Variants in CHRM2 observed in about 807,000 individuals in gnomAD.
CHRM2 encodes muscarinic acetylcholine receptor M2.
CHRM2 carries 8 observed loss-of-function variants against 25.0 expected under a neutral mutation model. The observed-to-expected ratio is 0.32, with a 90% CI of 0.19 to 0.58. The LOEUF (loss-of-function observed/expected upper bound fraction) is 0.58. Among genes scored for constraint, CHRM2 ranks in the 20% least tolerant of loss-of-function variants. CHRM2 has a pLI of 0.88. For synonymous variants in CHRM2, 202 were observed against 205.7 expected (o/e 0.98, Z 0.15); for missense variants, 440 against 567.1 (o/e 0.78, Z 2.28).
At chr7:136,917,684 C>T (rs1404998524) in intron 2 of CHRM2, among the ~76,000 whole-genome samples, 1 of 152,018 alleles carries the variant, frequency 6.6e-6, no homozygotes, top group African/African-American at 2.4e-5. Context: ...TCAATATCAC[C>T]ATCTCCCCAG....
intron 3 of CHRM2, among the ~76,000 whole-genome samples, chr7:137,012,982 A>G (rs1002428719): frequency 2.0e-5 from 3 of 151,970 alleles, no homozygotes; most frequent in African/African-American, 7.2e-5. Context: ...TTGCATCTTT[A>G]AACTGTGGGG....
chr7:136,997,243 T>C (rs1803667091), intron 3 of CHRM2, among the ~76,000 whole-genome samples: 1 of 152,196 alleles, frequency 6.6e-6, no homozygotes, highest in Non-Finnish European at 1.5e-5. Flanking sequence ...TGTAGGAAGA[T>C]AAACAAGATT....
chr7:136,907,643 C>A (rs143822159), intron 2 of CHRM2, among the ~76,000 whole-genome samples: 44 of 152,018 alleles, frequency 2.9e-4, no homozygotes, highest in African/African-American at 1.1e-3. Context: ...ATGTAATATG[C>A]TTCTGTTTTG....
At chr7:136,915,023 T>C (rs1798030090) in intron 2 of CHRM2, among the ~76,000 whole-genome samples, 1 of 151,888 alleles carries the variant, frequency 6.6e-6, no homozygotes, top group Non-Finnish European at 1.5e-5. Flanking sequence ...GTCAGCCCTA[T>C]ATGAAGAGTA....
chr7:136,898,466 G>A (rs867512040), intron 2 of CHRM2, among the ~76,000 whole-genome samples: 1 of 151,866 alleles, frequency 6.6e-6, no homozygotes, highest in South Asian at 2.1e-4. Context: ...CTCTAAGACT[G>A]TGAATTGACT....
At chr7:136,979,258 T>C (rs1002783069) in intron 2 of CHRM2, among the ~76,000 whole-genome samples, 2 of 152,218 alleles carry the variant, frequency 1.3e-5, no homozygotes, top group Admixed American at 1.3e-4. Flanking sequence ...TTTTGAAAAG[T>C]GTCTGTTGAT....
chr7:136,962,047 G>T (rs906007499), intron 2 of CHRM2, among the ~76,000 whole-genome samples: 16 of 152,166 alleles, frequency 1.1e-4, no homozygotes, highest in Non-Finnish European at 2.4e-4. Flanking sequence ...GGAACGACTG[G>T]AGGGCCTCAG....
chr7:136,870,567 G>A (rs1170474916), intron 2 of CHRM2: 1 of 152,490 alleles, frequency 6.6e-6, no homozygotes, highest in African/African-American at 2.4e-5. Flanking sequence ...ATACAGAATT[G>A]TCCCAGGCTG....
intron 2 of CHRM2, among the ~76,000 whole-genome samples, chr7:136,969,845 G>A (rs1381392247): frequency 6.6e-6 from 1 of 152,108 alleles, no homozygotes; most frequent in Non-Finnish European, 1.5e-5. Flanking sequence ...TTAGTCAGCT[G>A]GGACTGCCAT....
chr7:136,878,694 C>T (rs1393363592), intron 2 of CHRM2, among the ~76,000 whole-genome samples: 1 of 151,832 alleles, frequency 6.6e-6, no homozygotes, highest in Admixed American at 6.6e-5. Context: ...TCATGCCCAC[C>T]CGATGTGGTA....
At chr7:136,918,520 G>A (rs906010966) in intron 2 of CHRM2, among the ~76,000 whole-genome samples, 15 of 152,078 alleles carry the variant, frequency 9.9e-5, no homozygotes, top group Non-Finnish European at 1.8e-4. Context: ...TTTCATGCTC[G>A]TAAAGTGGCT....
chr7:136,924,210 T>A (rs75958311), intron 2 of CHRM2, among the ~76,000 whole-genome samples: 1 of 152,034 alleles, frequency 6.6e-6, no homozygotes, highest in Non-Finnish European at 1.5e-5. Context: ...TTCAGTTGTA[T>A]GTATTTTTTT....
intron 2 of CHRM2, among the ~76,000 whole-genome samples, chr7:136,882,930 T>C (rs1796321273): frequency 1.3e-5 from 2 of 152,156 alleles, no homozygotes; most frequent in Non-Finnish European, 2.9e-5. Flanking sequence ...TAGGGATGGA[T>C]TTAGTACAGT....
intron 3 of CHRM2, among the ~76,000 whole-genome samples, chr7:136,995,990 A>T (rs1006119847): frequency 6.6e-6 from 1 of 151,880 alleles, no homozygotes; most frequent in African/African-American, 2.4e-5. Flanking sequence ...AAGCAATGGA[A>T]TAGAATGGAA....
Position 137,015,851 on chromosome 7 carries a change from C to T in CHRM2, c.986C>T (p.Thr329Ile), listed in dbSNP as rs143216855. The change falls in exon 4 of 4, where the codon ACC becomes ATC. Residue 329 changes from threonine to isoleucine, a missense_variant. This residue lies in a region of CHRM2 where 261 missense variants were observed against 261.8 expected (regional missense o/e 1.00). Coordinates refer to ENST00000680005, the MANE Select transcript of CHRM2 (RefSeq NM_001006630.2). The surrounding 1 kb of genome is among the most constrained non-coding windows in gnomAD (Gnocchi z 5.1). ...AAGCAAACATGCATCAGAATTGGCA[C>T]CAAGACCCCAAAAAGTGACTCATGT... ...NSKQTCIRIG[T>I]KTPKSDSCTP... The T allele has an allele frequency of 8.7e-6, 14 of 1,612,984 alleles. No homozygotes were observed. The highest frequency in any genetic ancestry group is 1.1e-5 in the Non-Finnish European group (13 of 1,179,348).
At chr7:137,007,369 T>C (rs1220129209) in intron 3 of CHRM2, among the ~76,000 whole-genome samples, 3 of 152,232 alleles carry the variant, frequency 2.0e-5, no homozygotes, top group Admixed American at 6.5e-5. Context: ...CTTGAGGGCA[T>C]GTGTGGATCT....
chr7:136,996,895 ATGACTT>A (rs1803640789), intron 3 of CHRM2, among the ~76,000 whole-genome samples: 1 of 152,190 alleles, frequency 6.6e-6, no homozygotes, highest in South Asian at 2.1e-4. Flanking sequence ...TCAGTATTTT[ATGACTT>A]TGAGCCAAGA....
chr7:136,918,105 T>C (rs1041208795), intron 2 of CHRM2, among the ~76,000 whole-genome samples: 6 of 152,100 alleles, frequency 3.9e-5, no homozygotes, highest in African/African-American at 1.4e-4. Context: ...AGGACCACCA[T>C]GTCCATGTGG....
intron 2 of CHRM2, among the ~76,000 whole-genome samples, chr7:136,916,061 A>T (rs1380420993): frequency 6.6e-6 from 1 of 151,824 alleles, no homozygotes; most frequent in Admixed American, 6.6e-5. Context: ...TGCAGGCCCC[A>T]TTCACAGGAA....
Sources: allele counts gnomAD v4.1 joint callset (sites outside exome capture counted in the v4.1 genomes callset), GRCh38; gene constraint gnomAD v4.1.1; regional missense constraint gnomAD v4.1.1; non-coding constraint Gnocchi (gnomAD v3.1); transcripts MANE v1.5; gene names NCBI Gene and HGNC (gene_info 2026-07-23, HGNC 2026-07-21).